Variants in STIL observed in about 807,000 individuals in gnomAD.
STIL encodes STIL centriolar assembly protein, also known as SCL-interrupting locus protein.
Under a neutral mutation model 110.1 loss-of-function variants are expected in STIL, and 55 were observed. The ratio of observed to expected loss-of-function variants is 0.50; its 90% CI spans 0.40 to 0.63. The LOEUF (loss-of-function observed/expected upper bound fraction) is 0.63. Ranked by LOEUF, STIL falls within the 20% of genes least tolerant of loss-of-function variation. The pLI, the probability that STIL is intolerant of heterozygous loss-of-function variation, is 0.00. For missense variants in STIL, 1,358 were observed against 1,530.0 expected, an observed-to-expected ratio of 0.89 and a Z score of 1.87; for synonymous variants, 481 against 530.0, an observed-to-expected ratio of 0.91 and a Z score of 1.27.
chr1:47,300,258 TA>T, intron 5 of STIL, 106 bp from the exon 6 acceptor site: 1 of 1,100,498 alleles, frequency 9.1e-7, no homozygotes, highest in Non-Finnish European at 1.3e-6. Flanking sequence ...CTTGCACAAA[TA>T]AAATTAAATG....
chr1:47,268,722 C>T (rs1644727403), intron 14 of STIL, among the ~76,000 whole-genome samples: 1 of 151,628 alleles, frequency 6.6e-6, no homozygotes, highest in Admixed American at 6.6e-5. Flanking sequence ...CGCACCATTG[C>T]ACTCTAGACT....
Position 47,280,352 on chromosome 1 carries a change from C to T in STIL, c.2106G>A (p.Val702=). ...MDLCNPQPCT[V]CMHTPKTESD... is the part of the protein sequence containing the mutation. ...ACTCAGTCTTGGGTGTGTGCATGCA[C>T]ACTGTGCAAGGCTGTGGGTTACATA... is the stretch of plus-strand genomic sequence containing the variant. The change falls in exon 12 of 17, where the codon GTG becomes GTA. Residue 702 remains valine (V), a synonymous_variant. Coordinates refer to ENST00000371877, the MANE Select transcript of STIL (RefSeq NM_001048166.1). 2 of 1,614,186 alleles carry T rather than the reference C, an allele frequency of 1.2e-6. No homozygotes were observed. The highest frequency in any genetic ancestry group is 1.7e-6 in the Non-Finnish European group (2 of 1,180,036).
At position 47,300,127 on chromosome 1, in the gene STIL, T is replaced by C. The variant is rs1426970374; in HGVS notation, c.479A>G (p.Lys160Arg). Residue 160 changes from lysine to arginine, a missense_variant, in exon 6 of 17, where the codon AAA becomes AGA. Coordinates refer to ENST00000371877, the MANE Select transcript of STIL (RefSeq NM_001048166.1). The part of the protein sequence containing the change: ...LKALQCHICS[K>R]DSLDCGKLLS... ...CAGCTTACCACAGTCCAAGGAATCT[T>C]TGCTACATATATGGCACTGTAGAGC... The C allele has an allele frequency of 6.2e-7, 1 of 1,614,110 alleles. No homozygotes were observed. Among genetic ancestry groups the C allele is most frequent in the South Asian group, 1.1e-5 (1 of 91,078 alleles).
chr1:47,292,186 G>C (rs924455317), intron 8 of STIL, among the ~76,000 whole-genome samples: 2 of 151,802 alleles, frequency 1.3e-5, no homozygotes, highest in Non-Finnish European at 2.9e-5. Context: ...CCTTTATTTT[G>C]TTTACTCTGA....
intron 16 of STIL, among the ~76,000 whole-genome samples, chr1:47,256,655 G>C (rs1255400487): frequency 6.7e-6 from 1 of 149,892 alleles, no homozygotes; most frequent in South Asian, 2.1e-4. Context: ...CTGAAAATGT[G>C]TCATAAGTAC....
chr1:47,267,358 C>A (rs564115900), intron 14 of STIL, among the ~76,000 whole-genome samples: 2 of 152,080 alleles, frequency 1.3e-5, no homozygotes, highest in African/African-American at 4.8e-5. Flanking sequence ...TGTGGTAGCA[C>A]GTACCAGAAA....
intron 13 of STIL, among the ~76,000 whole-genome samples, chr1:47,270,259 C>CACACAA (rs1644795752): frequency 7.9e-6 from 1 of 126,800 alleles, no homozygotes; most frequent in South Asian, 2.4e-4. Context: ...TATATATACA[C>CACACAA]ACACACACAC....
intron 10 of STIL, chr1:47,283,107 T>C (rs1030366245): frequency 3.9e-5 from 6 of 152,196 alleles, no homozygotes; most frequent in Non-Finnish European, 8.8e-5. Flanking sequence ...AAAGTCTCAA[T>C]AGGATGCATT....
chr1:47,282,600 A>AT (rs1204910830), intron 10 of STIL, 141 bp from the exon 11 acceptor site: 2 of 638,908 alleles, frequency 3.1e-6, no homozygotes, highest in Non-Finnish European at 5.6e-6. Context: ...AAATTATTTT[A>AT]TTTTTCAGGC....
At chr1:47,308,397 CA>C (rs1432734581) in intron 2 of STIL, among the ~76,000 whole-genome samples, 1 of 114,390 alleles carries the variant, frequency 8.7e-6, no homozygotes. Flanking sequence ...TCTCAAAAAA[CA>C]AAAAAAAAGA....
intron 8 of STIL, among the ~76,000 whole-genome samples, chr1:47,292,592 T>C (rs190835348): frequency 6.6e-6 from 1 of 152,284 alleles, no homozygotes; most frequent in African/African-American, 2.4e-5. Flanking sequence ...CTCCAAGGTA[T>C]AATTTATACA....
chr1:47,259,926 G>A (rs1644435603), intron 16 of STIL, among the ~76,000 whole-genome samples: 2 of 152,152 alleles, frequency 1.3e-5, no homozygotes, highest in South Asian at 4.1e-4. Flanking sequence ...AGCTGGAACA[G>A]ACCTTATCAC....
rs1232520547 is a variant in STIL, at chr1:47,251,191, G to A, written c.3812C>T (p.Ser1271Leu). Residue 1271 changes from serine to leucine, a missense_variant, in exon 17 of 17, where the codon TCA becomes TTA. Coordinates refer to ENST00000371877, the MANE Select transcript of STIL (RefSeq NM_001048166.1). ...TTTTACATCTAAGAAGGTGCCTACT[G>A]AATTCATGCTATTCATCTGCTTTAG... ...ETLKQMNSMN[S>L]VGTFLDVKRL... 6.2e-7 allele frequency: 1 copy of A among 1,612,786 alleles called. No individual in the cohort carries two copies. Among genetic ancestry groups the A allele is most frequent in the South Asian group, 1.1e-5 (1 of 90,572 alleles).
chr1:47,305,977 C>T (rs568097059), intron 2 of STIL, among the ~76,000 whole-genome samples: 4 of 137,740 alleles, frequency 2.9e-5, no homozygotes, highest in Non-Finnish European at 6.3e-5. Context: ...ATGATCTACC[C>T]GCCTCAGCCT....
At chr1:47,278,375 T>C (rs966437277) in intron 12 of STIL, among the ~76,000 whole-genome samples, 124 of 152,232 alleles carry the variant, frequency 8.1e-4, no homozygotes, top group African/African-American at 2.7e-3. Flanking sequence ...TTCATATATA[T>C]ATAAGGAAAA....
intron 1 of STIL, among the ~76,000 whole-genome samples, chr1:47,311,326 G>A (rs1198664408): frequency 6.9e-6 from 1 of 144,752 alleles, no homozygotes; most frequent in Non-Finnish European, 1.5e-5. Context: ...CTGTAGCCCA[G>A]GCTGAAGTAG....
chr1:47,287,817 T>A (rs1645349568), intron 9 of STIL, among the ~76,000 whole-genome samples, 157 bp from the exon 10 acceptor site: 2 of 152,100 alleles, frequency 1.3e-5, no homozygotes, highest in Non-Finnish European at 2.9e-5. Context: ...CCCTGCTACA[T>A]AAGTGAAAAA....
At chr1:47,266,700 C>T (rs1570072125) in intron 14 of STIL, among the ~76,000 whole-genome samples, 1 of 152,176 alleles carries the variant, frequency 6.6e-6, no homozygotes, top group East Asian at 1.9e-4. Flanking sequence ...TCCACGAATT[C>T]CACAAGTCCA....
chr1:47,280,217 G>C, intron 12 of STIL, 24 bp downstream of exon 12: 1 of 1,613,848 alleles, frequency 6.2e-7, no homozygotes, highest in Non-Finnish European at 8.5e-7. Context: ...GAAATTAATA[G>C]AACTAGGAAA....
Sources: allele counts gnomAD v4.1 joint callset (sites outside exome capture counted in the v4.1 genomes callset), GRCh38; gene constraint gnomAD v4.1.1; transcripts MANE v1.5; gene names NCBI Gene and HGNC (gene_info 2026-07-23, HGNC 2026-07-21).